Variants in DMXL1 observed in about 807,000 individuals in gnomAD.
DMXL1 encodes the protein Dmx like 1, also known as dmX-like protein 1.
DMXL1 carries 99 observed loss-of-function variants against 319.2 expected under a neutral mutation model. That is an observed-to-expected ratio of 0.31 (90% CI 0.26 to 0.37). The LOEUF is 0.37. Ranked by LOEUF, DMXL1 falls within the 10% of genes least tolerant of loss-of-function variation. DMXL1 has a pLI of 1.00. For missense variants in DMXL1, 3,745 were observed against 3,595.6 expected (o/e 1.04, Z -1.06); for synonymous variants, 1,385 against 1,235.2 (o/e 1.12, Z -2.54).
In DMXL1 at chr5:119,218,155, T is replaced by TC. The variant is rs200886267; in HGVS notation, c.8013+1169dup. ...ACTTTGGGAGGCCAAGGCAGTAGGATCACTAGAGGCCAGGAGTTTGATACC... is the reference window on the plus strand; with the variant it reads ...ACTTTGGGAGGCCAAGGCAGTAGGATCCACTAGAGGCCAGGAGTTTGATACC... On this transcript the variant is annotated intron_variant, in intron 35 of 43. Transcript: ENST00000539542. 5.7e-4 allele frequency among the ~76,000 whole-genome samples: 86 copies of TC among 152,162 alleles called. 4 individuals carry two copies. The East Asian group carries it at 0.016, about 29-fold the overall frequency.
chr5:119,195,902 A>T (rs1779530921), intron 30 of DMXL1, among the ~76,000 whole-genome samples: 1 of 152,218 alleles, frequency 6.6e-6, no homozygotes, highest in Admixed American at 6.5e-5. Flanking sequence ...TCTTCTGCAC[A>T]TCCTCTACAG....
At chr5:119,223,019 C>T (rs570448020) in intron 37 of DMXL1, among the ~76,000 whole-genome samples, 39 of 150,818 alleles carry the variant, frequency 2.6e-4, no homozygotes, top group Non-Finnish European at 5.3e-4. Flanking sequence ...TTATCCCTTG[C>T]GCTTACCAGT....
chr5:119,099,142 T>G (rs1756653238), intron 2 of DMXL1, among the ~76,000 whole-genome samples: 1 of 152,124 alleles, frequency 6.6e-6, no homozygotes, highest in Admixed American at 6.5e-5. Context: ...ACAACAAAAA[T>G]GATCTTTATT....
chr5:119,131,586 T>G (rs1326724659), intron 10 of DMXL1, among the ~76,000 whole-genome samples: 1 of 152,202 alleles, frequency 6.6e-6, no homozygotes, highest in Admixed American at 6.5e-5. Flanking sequence ...CCAATTCCAA[T>G]TCCTTCTTTT....
In DMXL1 at chr5:119,220,538, C is replaced by T. The variant is rs927328311; in HGVS notation, c.8080C>T (p.Leu2694=). ...DVQELDVSGI[L]ATQVYTWVDD... is the part of the protein sequence containing the mutation. ...TCAAGAACTGGATGTTTCTGGAATT[C>T]TGGCCACACAGGTCTACACTTGGGT... The change falls in exon 36 of 44, where the codon CTG becomes TTG. Residue 2694 remains leucine, a synonymous_variant. Coordinates refer to ENST00000539542, the MANE Select transcript of DMXL1 (RefSeq NM_001290321.3). 1.7e-5 allele frequency: 28 copies of T among 1,613,728 alleles called. No individual in the cohort carries two copies. Among genetic ancestry groups the T allele is most frequent in the Non-Finnish European group, 2.4e-5 (28 of 1,179,872 alleles).
intron 1 of DMXL1, among the ~76,000 whole-genome samples, chr5:119,086,250 C>A (rs898044736): frequency 2.6e-5 from 4 of 152,090 alleles, no homozygotes; most frequent in African/African-American, 9.7e-5. Context: ...GGGTAAACCG[C>A]CCCCATGATT....
Position 119,244,355 on chromosome 5 carries a change from T to G in DMXL1, c.8705-4T>G. 6.2e-7 allele frequency: 1 copy of G among 1,600,220 alleles called. No individual in the cohort carries two copies. Among genetic ancestry groups the G allele is most frequent in the Non-Finnish European group, 8.5e-7 (1 of 1,174,916 alleles). ...TTTTTGTTTTTTTTTTAATTTACTT[T>G]CAGCATTTACCTGCCATGACAGTGG... On this transcript the variant is annotated splice_polypyrimidine_tract_variant and splice_region_variant and intron_variant, in intron 42 of 43. Coordinates refer to ENST00000539542, the MANE Select transcript of DMXL1 (RefSeq NM_001290321.3).
intron 34 of DMXL1, among the ~76,000 whole-genome samples, chr5:119,211,580 C>T (rs1163116589): frequency 6.6e-6 from 1 of 152,162 alleles, no homozygotes; most frequent in Non-Finnish European, 1.5e-5. Context: ...ACTTTGAAAA[C>T]CAAATTATGT....
rs376312939 is a variant in DMXL1, at chr5:119,110,297, C to T, written c.497+14C>T. 25 of 1,544,578 alleles carry T rather than the reference C, an allele frequency of 1.6e-5. No individual in the cohort carries two copies. The highest frequency in any genetic ancestry group is 2.1e-5 in the Non-Finnish European group (24 of 1,154,974). ...TTGGCATTGCAAGTAAGCAATTAAT[C>T]AGGGGAGTAAACTGATAAACCTGTT... is the stretch of plus-strand genomic sequence containing the variant. On this transcript the variant is annotated intron_variant, in intron 5 of 43. Coordinates refer to ENST00000539542, the MANE Select transcript of DMXL1 (RefSeq NM_001290321.3).
intron 6 of DMXL1, among the ~76,000 whole-genome samples, chr5:119,115,941 C>T (rs1760746781): frequency 6.6e-6 from 1 of 152,172 alleles, no homozygotes; most frequent in Non-Finnish European, 1.5e-5. Flanking sequence ...TTCTTGAACA[C>T]AGAATACACA....
At chr5:119,114,607 C>A in intron 6 of DMXL1, 66 bp downstream of exon 6, 1 of 980,242 alleles carries the variant, frequency 1.0e-6, no homozygotes, top group South Asian at 1.5e-5. Flanking sequence ...TTAAAAACAT[C>A]AACTGGCTTC....
At chr5:119,121,950 CG>C (rs1762179387) in intron 9 of DMXL1, among the ~76,000 whole-genome samples, 2 of 144,578 alleles carry the variant, frequency 1.4e-5, no homozygotes, top group South Asian at 4.5e-4. Flanking sequence ...GGCGGCTGGC[CG>C]GGCAGAGTGG....
In DMXL1 at chr5:119,207,731, AG is replaced by A. The variant is rs1337641147; in HGVS notation, c.7926+837del. ...GAGATGAGGTTTTGCCATGTTGGCC[AG>A]GCTGATGTCAAACTCCTGACCTCAG... On this transcript the variant is annotated intron_variant, in intron 34 of 43. Coordinates refer to ENST00000539542, the MANE Select transcript of DMXL1 (RefSeq NM_001290321.3). Among the ~76,000 whole-genome samples the A allele has an allele frequency of 3.3e-5, 5 of 152,294 alleles. No individual in the cohort carries two copies. The East Asian group carries it at 9.7e-4, about 29-fold the overall frequency.
chr5:119,121,344 G>C (rs1253500763), intron 9 of DMXL1, among the ~76,000 whole-genome samples: 1 of 150,804 alleles, frequency 6.6e-6, no homozygotes, highest in Non-Finnish European at 1.5e-5. Flanking sequence ...GGTTTGGCAC[G>C]GTCATAGGAC....
intron 1 of DMXL1, among the ~76,000 whole-genome samples, chr5:119,091,237 T>C (rs1421103921): frequency 2.6e-5 from 4 of 151,944 alleles, no homozygotes; most frequent in Admixed American, 2.6e-4. Flanking sequence ...GACAGTGTCT[T>C]GCTCTGTTGC....
chr5:119,183,219 C>T (rs1194211486), intron 28 of DMXL1, among the ~76,000 whole-genome samples: 3 of 152,130 alleles, frequency 2.0e-5, no homozygotes, highest in Admixed American at 6.5e-5. Flanking sequence ...TCTTATAAAA[C>T]TTGTGTAAAA....
At chr5:119,139,257 C>G (rs1766730226) in intron 13 of DMXL1, among the ~76,000 whole-genome samples, 1 of 151,892 alleles carries the variant, frequency 6.6e-6, no homozygotes. Context: ...AACATAATAA[C>G]ACAATCAGAT....
At chr5:119,110,431 C>G (rs1176435909) in intron 5 of DMXL1, 148 bp downstream of exon 5, 2 of 652,960 alleles carry the variant, frequency 3.1e-6, no homozygotes, top group East Asian at 6.6e-5. Flanking sequence ...ACAGATAATT[C>G]TCTATTTCCC....
chr5:119,202,847 T>A (rs1281894291), intron 32 of DMXL1, among the ~76,000 whole-genome samples: 2 of 137,084 alleles, frequency 1.5e-5, no homozygotes, highest in East Asian at 4.0e-4. Context: ...TGAGATTCCA[T>A]CTCAAAAATA....
Sources: gnomAD v4.1 joint callset for allele counts (sites outside exome capture counted in the v4.1 genomes callset) on GRCh38, gnomAD v4.1.1 for gene constraint, MANE v1.5 for transcripts, NCBI Gene and HGNC (gene_info 2026-07-23, HGNC 2026-07-21) for gene names.